PLEKHA1: variants seen among roughly 807,000 people sequenced by gnomAD.
The protein encoded by PLEKHA1 is pleckstrin homology domain containing A1, also known as pleckstrin homology domain-containing family A member 1.
PLEKHA1 carries 34 observed loss-of-function variants against 52.0 expected under a neutral mutation model. That is an observed-to-expected ratio of 0.65 (90% CI 0.50 to 0.87). The LOEUF (loss-of-function observed/expected upper bound fraction) is 0.87. Ranked by LOEUF, PLEKHA1 falls within the 40% of genes least tolerant of loss-of-function variation. The pLI is 0.00. For missense variants in PLEKHA1, 497 were observed against 504.2 expected (o/e 0.99, Z 0.14); for synonymous variants, 163 against 170.7 (o/e 0.95, Z 0.35).
chr10:122,377,982 A>T, intron 1 of PLEKHA1, among the ~76,000 whole-genome samples: 1 of 152,224 alleles, frequency 6.6e-6, no homozygotes, highest in East Asian at 1.9e-4. Context: ...TGTTTCCTAC[A>T]TGGAACTCTT....
chr10:122,385,311 CTTTT>C (rs1196217497), intron 1 of PLEKHA1, among the ~76,000 whole-genome samples: 2 of 96,472 alleles, frequency 2.1e-5, no homozygotes, highest in Admixed American at 1.2e-4. Flanking sequence ...TTGTGTCTGG[CTTTT>C]TTTTTTTTTT....
chr10:122,387,466 T>C (rs927223568), intron 1 of PLEKHA1: 5 of 152,220 alleles, frequency 3.3e-5, no homozygotes, highest in African/African-American at 1.2e-4. Flanking sequence ...TCTATAGCAC[T>C]AAAAACCAAT....
At chr10:122,425,721 A>AAAG (rs2097329661) in intron 10 of PLEKHA1, 1 of 151,806 alleles carries the variant, frequency 6.6e-6, no homozygotes, top group African/African-American at 2.4e-5. Flanking sequence ...CTCAAAAAAA[A>AAAG]AAAAAAAAAA....
Position 122,393,374 on chromosome 10 carries a change from GC to G in PLEKHA1, c.141+34del. 3 of 1,565,120 alleles carry G rather than the reference GC, an allele frequency of 1.9e-6. No individual in the cohort carries two copies. Among genetic ancestry groups the G allele is most frequent in the Non-Finnish European group, 2.6e-6 (3 of 1,157,616 alleles). On this transcript the variant is annotated intron_variant, in intron 2 of 11. Coordinates refer to ENST00000368990, the MANE Select transcript of PLEKHA1 (RefSeq NM_001001974.4). The surrounding 1 kb of genome is among the most constrained non-coding windows in gnomAD (Gnocchi z 4.5). ...AAATCCCAAGGATTATCTTTTAAAAGCACAGAAAGTTGTATTTAAGTATTTA... is the reference window on the plus strand; with the variant it reads ...AAATCCCAAGGATTATCTTTTAAAAGACAGAAAGTTGTATTTAAGTATTTA...
intron 1 of PLEKHA1, among the ~76,000 whole-genome samples, chr10:122,376,023 C>G (rs1009208329): frequency 6.6e-6 from 1 of 152,112 alleles, no homozygotes; most frequent in African/African-American, 2.4e-5. Context: ...GATCAATCTG[C>G]TTTATTTTCC....
intron 8 of PLEKHA1, chr10:122,419,164 C>A (rs2097220981): frequency 1.3e-5 from 2 of 152,114 alleles, no homozygotes; most frequent in Non-Finnish European, 2.9e-5. Flanking sequence ...TTTATATGCC[C>A]TGTGGTACCC....
At chr10:122,421,538 G>A (rs2097260097) in intron 8 of PLEKHA1, 1 of 152,098 alleles carries the variant, frequency 6.6e-6, no homozygotes, top group Non-Finnish European at 1.5e-5. Context: ...TTCAGGGGTA[G>A]TGTGGGACAG....
At chr10:122,425,103 G>A in intron 10 of PLEKHA1, 144 bp downstream of exon 10, 1 of 582,638 alleles carries the variant, frequency 1.7e-6, no homozygotes, top group Non-Finnish European at 2.8e-6. Flanking sequence ...AAAGGGTACT[G>A]TATATAGAGT....
chr10:122,399,777 G>A (rs900182260), intron 3 of PLEKHA1, among the ~76,000 whole-genome samples: 4 of 151,940 alleles, frequency 2.6e-5, no homozygotes, highest in African/African-American at 4.8e-5. Flanking sequence ...AGTAGAGACG[G>A]GGTTTCACCG....
intron 1 of PLEKHA1, among the ~76,000 whole-genome samples, chr10:122,376,535 ATAT>A (rs1221532193): frequency 1.4e-5 from 2 of 147,796 alleles, no homozygotes; most frequent in African/African-American, 4.9e-5. Context: ...TATATATATA[ATAT>A]AAATATATGT....
At chr10:122,429,494 T>TTGTGTGTGTGTGTGTGTGTGTG (rs35620141) in intron 11 of PLEKHA1, 130 bp from the exon 12 acceptor site, 2 of 655,854 alleles carry the variant, frequency 3.0e-6, no homozygotes, top group African/African-American at 1.9e-5. Flanking sequence ...GCTGCTGCCT[T>TTGTGTGTGTGTGTGTGTGTGTG]TGTGTGTGTG....
chr10:122,386,525 C>G (rs2096701221), intron 1 of PLEKHA1: 1 of 151,992 alleles, frequency 6.6e-6, no homozygotes, highest in East Asian at 1.9e-4. Context: ...ATGGTTCAGG[C>G]TTTTTGTGTC....
downstream of PLEKHA1, chr10:122,436,993 C>CTTTTTTTTTT (rs34565375): frequency 1.2e-5 from 1 of 84,854 alleles, no homozygotes; most frequent in Non-Finnish European, 2.1e-5. Flanking sequence ...TTACATCAGC[C>CTTTTTTTTTT]TTTTTTTTTT....
intron 8 of PLEKHA1, chr10:122,418,722 T>C (rs1456682709): frequency 2.0e-5 from 3 of 152,220 alleles, no homozygotes; most frequent in African/African-American, 4.8e-5. Context: ...TGCATCCTTA[T>C]TTAAAATATT....
intron 1 of PLEKHA1, among the ~76,000 whole-genome samples, chr10:122,376,768 TG>T (rs2096544300): frequency 6.6e-6 from 1 of 152,160 alleles, no homozygotes; most frequent in Non-Finnish European, 1.5e-5. Flanking sequence ...GTGAGGAAAC[TG>T]CCATGAGTTC....
Position 122,393,395 on chromosome 10 carries a change from T to C in PLEKHA1, c.141+54T>C. The stretch of plus-strand genomic sequence containing the variant: ...AAAAGCACAGAAAGTTGTATTTAAG[T>C]ATTTAACATACTATACAGGCTTTAG... On this transcript the variant is annotated intron_variant, in intron 2 of 11. Coordinates refer to ENST00000368990, the MANE Select transcript of PLEKHA1 (RefSeq NM_001001974.4). The surrounding 1 kb of genome is among the most constrained non-coding windows in gnomAD (Gnocchi z 4.5). 2.7e-6 allele frequency: 4 copies of C among 1,503,394 alleles called. No homozygotes were observed. The highest frequency in any genetic ancestry group is 3.6e-6 in the Non-Finnish European group (4 of 1,126,594). The allele number at this position is 1,503,394 out of a possible 1,614,324, so 93.1% of individuals were successfully genotyped here. A position where few individuals can be genotyped will look rare whatever the true frequency, so the allele number is the denominator to read the frequency against.
intron 1 of PLEKHA1, among the ~76,000 whole-genome samples, chr10:122,378,801 T>C (rs2096574057): frequency 6.6e-6 from 1 of 151,964 alleles, no homozygotes; most frequent in East Asian, 1.9e-4. Context: ...AGTTTGAACA[T>C]TCAATCTCAT....
chr10:122,386,458 T>A (rs2096700436), intron 1 of PLEKHA1, among the ~76,000 whole-genome samples: 1 of 152,322 alleles, frequency 6.6e-6, no homozygotes, highest in Admixed American at 6.5e-5. Flanking sequence ...TTCTTTATGG[T>A]GTCTTTTGAA....
At chr10:122,392,291 T>C (rs2096787264) in intron 1 of PLEKHA1, 1 of 152,164 alleles carries the variant, frequency 6.6e-6, no homozygotes, top group Admixed American at 6.5e-5. Flanking sequence ...TTTTTTCCTT[T>C]GTTTCTTATA....
Sources: gnomAD v4.1 joint callset for allele counts (sites outside exome capture counted in the v4.1 genomes callset) on GRCh38, gnomAD v4.1.1 for gene constraint, Gnocchi (gnomAD v3.1) non-coding constraint, MANE v1.5 for transcripts, NCBI Gene and HGNC (gene_info 2026-07-23, HGNC 2026-07-21) for gene names.